SLC39A9: variants seen among roughly 807,000 people sequenced by gnomAD.
The protein encoded by SLC39A9 is solute carrier family 39 member 9.
SLC39A9 carries 14 observed loss-of-function variants against 28.4 expected under a neutral mutation model. That is an observed-to-expected ratio of 0.49 (90% CI 0.33 to 0.77). The LOEUF is 0.77. Ranked by LOEUF, SLC39A9 falls within the 30% of genes least tolerant of loss-of-function variation. The probability of loss-of-function intolerance (pLI) is 0.02; values close to 1 mark genes in which losing one functional copy is unlikely to be tolerated. For missense variants in SLC39A9, 283 were observed against 381.1 expected (o/e 0.74, Z 2.14); for synonymous variants, 119 against 149.6 (o/e 0.80, Z 1.49).
intron 1 of SLC39A9, among the ~76,000 whole-genome samples, chr14:69,422,744 C>G (rs995060331): frequency 6.6e-6 from 1 of 152,160 alleles, no homozygotes; most frequent in Non-Finnish European, 1.5e-5. Context: ...ACCACCACAC[C>G]CAGCTAATTT....
intron 1 of SLC39A9, among the ~76,000 whole-genome samples, chr14:69,418,955 C>A (rs1488499604): frequency 3.9e-5 from 6 of 152,164 alleles, no homozygotes; most frequent in African/African-American, 1.2e-4. Context: ...AAAAAACCAG[C>A]TCCTGGATTC....
intron 2 of SLC39A9, among the ~76,000 whole-genome samples, chr14:69,437,654 A>G (rs566204813): frequency 2.7e-5 from 4 of 150,236 alleles, no homozygotes; most frequent in African/African-American, 9.8e-5. Context: ...CAGTGGCACC[A>G]TCTCAGCTCA....
At chr14:69,412,749 G>A (rs970377830) in intron 1 of SLC39A9, among the ~76,000 whole-genome samples, 1 of 152,162 alleles carries the variant, frequency 6.6e-6, no homozygotes, top group African/African-American at 2.4e-5. Flanking sequence ...GACAGAATTG[G>A]TAATTTTGTG....
chr14:69,458,582 C>T lies in SLC39A9; in HGVS notation c.913C>T (p.His305Tyr). ...CATCCCTCTCATCCTGTCAGTAGGA[C>T]ACCAGCATTAAATGTTCAAGGTCCA... ...CLIPLILSVG[H>Y]QH Residue 305 changes from histidine to tyrosine, a missense_variant, in exon 7 of 7, where the codon CAC becomes TAC. By Grantham distance (83) the His-to-Tyr change is moderately conservative (BLOSUM62 2). Coordinates refer to ENST00000336643, the MANE Select transcript of SLC39A9 (RefSeq NM_018375.5). 6.2e-7 allele frequency: 1 copy of T among 1,611,464 alleles called. No homozygotes were observed. The highest frequency in any genetic ancestry group is 2.2e-5 in the East Asian group (1 of 44,816).
chr14:69,442,143 G>A lies in SLC39A9; in HGVS notation c.280G>A (p.Glu94Lys). 6.2e-7 allele frequency: 1 copy of A among 1,614,210 alleles called. No individual in the cohort carries two copies. The highest frequency in any genetic ancestry group is 8.5e-7 in the Non-Finnish European group (1 of 1,180,036). ...DKAAEKSVVH[E>K]HEHSHDHTQL... ...AGCAGCAGAAAAATCAGTTGTCCATGAACATGAGCACAGCCACGACCACAC... is the reference window on the plus strand; with the variant it reads ...AGCAGCAGAAAAATCAGTTGTCCATAAACATGAGCACAGCCACGACCACAC... The change falls in exon 3 of 7, where the codon GAA becomes AAA. Residue 94 changes from glutamate to lysine, a missense_variant. Transcript: ENST00000336643.
intron 2 of SLC39A9, among the ~76,000 whole-genome samples, chr14:69,440,648 T>G (rs967015602): frequency 6.6e-6 from 1 of 151,786 alleles, no homozygotes; most frequent in African/African-American, 2.4e-5. Context: ...TGTTGTAAGG[T>G]TGGATATTAT....
intron 2 of SLC39A9, among the ~76,000 whole-genome samples, chr14:69,425,903 G>A (rs534030958): frequency 5.1e-4 from 77 of 152,122 alleles, no homozygotes; most frequent in Non-Finnish European, 8.5e-4. Flanking sequence ...GGACTCAAGC[G>A]ATCCTCCCAA....
Position 69,441,785 on chromosome 14 carries a change from G to C in SLC39A9, c.206-284G>C, listed in dbSNP as rs147437699. On this transcript the variant is annotated intron_variant, in intron 2 of 6. Coordinates refer to ENST00000336643, the MANE Select transcript of SLC39A9 (RefSeq NM_018375.5). ...GAATATTTGGGGATGGTGTCCCTTT[G>C]GGAATATGATTGCTTTCTTGCATGG... 5.5e-4 allele frequency: 613 copies of C among 1,117,268 alleles called. 4 individuals carry two copies. In the African/African-American group the frequency reaches 9.6e-3, roughly 17 times the overall value. 69.2% of individuals were successfully genotyped at this position (1,117,268 alleles called of 1,614,324 possible). A position where few individuals can be genotyped will look rare whatever the true frequency, so the allele number is the denominator to read the frequency against.
At chr14:69,440,630 A>G (rs1338811004) in intron 2 of SLC39A9, among the ~76,000 whole-genome samples, 2 of 152,132 alleles carry the variant, frequency 1.3e-5, no homozygotes, top group African/African-American at 4.8e-5. Context: ...AGAAGAGTAC[A>G]TTGTAACTGT....
chr14:69,419,111 C>A (rs1883742621), intron 1 of SLC39A9, among the ~76,000 whole-genome samples: 1 of 152,164 alleles, frequency 6.6e-6, no homozygotes. Flanking sequence ...AATTTTAGAT[C>A]TTTCCTGCTT....
intron 1 of SLC39A9, among the ~76,000 whole-genome samples, chr14:69,411,907 CG>C (rs1566908582): frequency 6.6e-6 from 1 of 150,628 alleles, no homozygotes; most frequent in Non-Finnish European, 1.5e-5. Flanking sequence ...CTCAGCCTCC[CG>C]AGTAGCTGGG....
At chr14:69,443,152 G>A (rs1287699662) in intron 3 of SLC39A9, among the ~76,000 whole-genome samples, 3 of 152,194 alleles carry the variant, frequency 2.0e-5, no homozygotes, top group African/African-American at 4.8e-5. Flanking sequence ...GATACACTTC[G>A]ATCCTGTGGT....
At chr14:69,457,179 T>C (rs1257697465) in intron 6 of SLC39A9, among the ~76,000 whole-genome samples, 2 of 151,590 alleles carry the variant, frequency 1.3e-5, no homozygotes, top group Non-Finnish European at 2.9e-5. Flanking sequence ...GATATACATA[T>C]ATATACACAC....
intron 1 of SLC39A9, among the ~76,000 whole-genome samples, chr14:69,421,115 C>G (rs1056371275): frequency 3.9e-5 from 6 of 152,214 alleles, no homozygotes; most frequent in African/African-American, 1.2e-4. Context: ...TCTGGTTTCT[C>G]CCTGTATTTG....
chr14:69,434,013 G>C (rs182298688), intron 2 of SLC39A9, among the ~76,000 whole-genome samples: 180 of 151,968 alleles, frequency 1.2e-3, no homozygotes, highest in Admixed American at 0.01. Context: ...TCAAGCTCCT[G>C]GCCTCAAGTA....
intron 1 of SLC39A9, among the ~76,000 whole-genome samples, chr14:69,403,172 T>G (rs551027401): frequency 3.9e-5 from 6 of 152,048 alleles, no homozygotes; most frequent in African/African-American, 1.4e-4. Context: ...GGTAAGGGAG[T>G]GAGACCCGTT....
intron 6 of SLC39A9, among the ~76,000 whole-genome samples, chr14:69,456,711 C>T: frequency 6.6e-6 from 1 of 152,174 alleles, no homozygotes; most frequent in Non-Finnish European, 1.5e-5. Context: ...CAAACTGACT[C>T]AGGGCTAGTT....
At position 69,461,694 on chromosome 14, in the gene SLC39A9, A is replaced by G; in HGVS notation, c.*3101A>G. 3 of 1,535,588 alleles carry G rather than the reference A, an allele frequency of 2.0e-6. No homozygotes were observed. Among genetic ancestry groups the G allele is most frequent in the Non-Finnish European group, 2.6e-6 (3 of 1,146,792 alleles). ...TCACTGCCTGGTTTTTCTCTTTTTCAAGGATTAGAACTAAGAGGACACACC... is the reference window on the plus strand; with the variant it reads ...TCACTGCCTGGTTTTTCTCTTTTTCGAGGATTAGAACTAAGAGGACACACC... On this transcript the variant is annotated 3_prime_UTR_variant, in exon 7 of 7. Coordinates refer to ENST00000336643, the MANE Select transcript of SLC39A9 (RefSeq NM_018375.5).
In SLC39A9 at chr14:69,399,272, C is replaced by A; in HGVS notation, c.-98C>A. The A allele has an allele frequency of 9.4e-7, 1 of 1,062,304 alleles. No homozygotes were observed. Among genetic ancestry groups the A allele is most frequent in the Non-Finnish European group, 1.4e-6 (1 of 703,530 alleles). The allele number at this position is 1,062,304 out of a possible 1,614,324, so 65.8% of individuals were successfully genotyped here. ...GGCCTAAAGAACTGGAAAGCCCACT[C>A]TCTTGGAACCACCACACCTGTTTAA... is the stretch of plus-strand genomic sequence containing the variant. On this transcript the variant is annotated 5_prime_UTR_variant, in exon 1 of 7. Coordinates refer to ENST00000336643, the MANE Select transcript of SLC39A9 (RefSeq NM_018375.5).
Sources: gnomAD v4.1 joint callset for allele counts (sites outside exome capture counted in the v4.1 genomes callset) on GRCh38, gnomAD v4.1.1 for gene constraint, MANE v1.5 for transcripts, NCBI Gene and HGNC (gene_info 2026-07-23, HGNC 2026-07-21) for gene names.